Variants in AGAP1 observed in about 807,000 individuals in gnomAD.
AGAP1 encodes arf-GAP with GTPase, ANK repeat and PH domain-containing protein 1.
A neutral mutation model predicts 105.3 loss-of-function variants in AGAP1; 29 were observed. The ratio of observed to expected loss-of-function variants is 0.28; its 90% CI spans 0.21 to 0.38. AGAP1 has a LOEUF of 0.38. Among genes scored for constraint, AGAP1 ranks in the 10% least tolerant of loss-of-function variants. The pLI, the probability that AGAP1 is intolerant of heterozygous loss-of-function variation, is 1.00. For missense variants in AGAP1, 998 were observed against 1,165.1 expected (o/e 0.86, Z 2.09); for synonymous variants, 509 against 485.9 (o/e 1.05, Z -0.63).
chr2:236,122,223 T>A (rs1176803767), intron 17 of AGAP1, among the ~76,000 whole-genome samples: 4 of 152,174 alleles, frequency 2.6e-5, no homozygotes, highest in Non-Finnish European at 5.9e-5. Flanking sequence ...GGTGTTGAGA[T>A]TACAGGTATC....
chr2:235,993,565 G>C lies in AGAP1; in HGVS notation c.1645+24942G>C, dbSNP rs1408117785. ...ATGGTTTTGTGTGATAGAAACCAAT[G>C]CTTCCCAAAGTTCACATTGTGGAAA... On this transcript the variant is annotated intron_variant, in intron 13 of 17. Transcript: ENST00000304032. The surrounding 1 kb of genome is among the most constrained non-coding windows in gnomAD (Gnocchi z 5.0). 6.6e-6 allele frequency among the ~76,000 whole-genome samples: 1 copy of C among 152,212 alleles called. No homozygotes were observed. Among genetic ancestry groups the C allele is most frequent in the Non-Finnish European group, 1.5e-5 (1 of 68,042 alleles).
At position 235,664,942 on chromosome 2, in the gene AGAP1, C is replaced by G. The variant is rs1007599220; in HGVS notation, c.164-44237C>G. On this transcript the variant is annotated intron_variant, in intron 1 of 17. Coordinates refer to ENST00000304032, the MANE Select transcript of AGAP1 (RefSeq NM_001037131.3). The surrounding 1 kb of genome is among the most constrained non-coding windows in gnomAD (Gnocchi z 5.7). ...TACCATAAATGAAAAAAACGTTAGC[C>G]AAGCATGGTGGCTCACGCCTGTAAT... 2.0e-5 allele frequency among the ~76,000 whole-genome samples: 3 copies of G among 152,130 alleles called. No homozygotes were observed. The highest frequency in any genetic ancestry group is 4.8e-5 in the African/African-American group (2 of 41,414).
rs1367617578 is a variant in AGAP1, at chr2:235,981,796, G to A, written c.1645+13173G>A. Among the ~76,000 whole-genome samples, 4 of 152,140 alleles carry A rather than the reference G, an allele frequency of 2.6e-5. No homozygotes were observed. Among genetic ancestry groups the A allele is most frequent in the South Asian group, 4.2e-4 (2 of 4,818 alleles). ...CAAGGCCATAGACGTAGAAAGCAGC[G>A]ATAGGGCCACCGATCCAGGCGAGGG... On this transcript the variant is annotated intron_variant, in intron 13 of 17. Transcript: ENST00000304032. The surrounding 1 kb of genome is among the most constrained non-coding windows in gnomAD (Gnocchi z 5.5).
At position 235,750,426 on chromosome 2, in the gene AGAP1, G is replaced by A. The variant is rs1416455817; in HGVS notation, c.611G>A (p.Arg204Gln). 6.2e-7 allele frequency: 1 copy of A among 1,614,180 alleles called. No homozygotes were observed. The highest frequency in any genetic ancestry group is 1.1e-5 in the South Asian group (1 of 91,082). Residue 204 changes from arginine (R) to glutamine (Q), a missense_variant, in exon 6 of 18, where the codon CGG becomes CAG. This residue lies in a region of AGAP1 where 735 missense variants were observed against 833.4 expected (regional missense o/e 0.88). Transcript: ENST00000304032. The surrounding 1 kb of genome is among the most constrained non-coding windows in gnomAD (Gnocchi z 5.3). ...RARKLSNDLK[R>Q]CTYYETCATY... ...AGGAAGCTCTCCAACGACCTGAAAC[G>A]GTGCACGTACTACGAGACGTGTGCT...
rs929053573 is a variant in AGAP1, at chr2:235,582,332, G to A, written c.163+87483G>A. Among the ~76,000 whole-genome samples, 1 of 152,162 alleles carries A rather than the reference G, an allele frequency of 6.6e-6. No homozygotes were observed. The highest frequency in any genetic ancestry group is 1.5e-5 in the Non-Finnish European group (1 of 68,028). ...GTGGCTCTTTGTGCTGGCATTTAGG[G>A]TGTCACTAAAGCCCAAGACCAGGAT... On this transcript the variant is annotated intron_variant, in intron 1 of 17. Transcript: ENST00000304032. This position sits in a 1 kb window ranked among gnomAD's most constrained non-coding sequence, Gnocchi z 4.7.
At chr2:235,606,436 A>G (rs1945940789) in intron 1 of AGAP1, among the ~76,000 whole-genome samples, 1 of 152,224 alleles carries the variant, frequency 6.6e-6, no homozygotes, top group African/African-American at 2.4e-5. Flanking sequence ...CTCGATTCAG[A>G]GACCAAGAAC....
At position 235,951,950 on chromosome 2, in the gene AGAP1, C is replaced by T. The variant is rs2053755670; in HGVS notation, c.1484-16512C>T. Reference sequence around the variant, plus strand: ...TCATTTACCATCTGGTTTGGGGAACCTTCTGTCATCCTACCTGCTATGTAT... The same window carrying T: ...TCATTTACCATCTGGTTTGGGGAACTTTCTGTCATCCTACCTGCTATGTAT... On this transcript the variant is annotated intron_variant, in intron 12 of 17. Transcript: ENST00000304032. This position sits in a 1 kb window ranked among gnomAD's most constrained non-coding sequence, Gnocchi z 4.2. 6.6e-6 allele frequency among the ~76,000 whole-genome samples: 1 copy of T among 152,182 alleles called. No individual in the cohort carries two copies. The highest frequency in any genetic ancestry group is 2.1e-4 in the South Asian group (1 of 4,818).
Position 235,908,859 on chromosome 2 carries a change from A to G in AGAP1, c.1277A>G (p.Asn426Ser), listed in dbSNP as rs2051435482. The G allele has an allele frequency of 6.2e-7, 1 of 1,613,982 alleles. No individual in the cohort carries two copies. The highest frequency in any genetic ancestry group is 1.3e-5 in the African/African-American group (1 of 74,890). The change falls in exon 11 of 18, where the codon AAT becomes AGT. Residue 426 changes from asparagine (N) to serine (S), a missense_variant. By Grantham distance (46) the Asn-to-Ser change is conservative. Transcript: ENST00000304032. The surrounding 1 kb of genome is among the most constrained non-coding windows in gnomAD (Gnocchi z 4.4). The part of the protein sequence containing the change: ...ACAPISSPKT[N>S]GLSKDMSSLH... The stretch of plus-strand genomic sequence containing the variant: ...GCACCCATCTCCAGCCCTAAAACCA[A>G]TGGCCTATCCAAGGACATGAGCAGT...
chr2:235,498,678 G>A (rs564195992), intron 1 of AGAP1, among the ~76,000 whole-genome samples: 8 of 152,320 alleles, frequency 5.3e-5, no homozygotes, highest in South Asian at 2.1e-4. Flanking sequence ...CAGCAGGACC[G>A]TGATGTGAGT....
rs765633519 is a variant in AGAP1 at position 236,124,020 on chromosome 2, C to T, written c.2472C>T (p.Tyr824=). 3.0e-5 allele frequency: 48 copies of T among 1,613,946 alleles called. No individual in the cohort carries two copies. The highest frequency in any genetic ancestry group is 2.6e-5 in the Non-Finnish European group (31 of 1,180,020). ...AGTGCATCGACGTGCTGCTGCAGTA[C>T]GGCTGCCCCGACGAGCGCTTCGTGC... ...SQECIDVLLQ[Y]GCPDERFVLM... Residue 824 remains tyrosine, a synonymous_variant, in exon 18 of 18, where the codon TAC becomes TAT. Coordinates refer to ENST00000304032, the MANE Select transcript of AGAP1 (RefSeq NM_001037131.3). This position sits in a 1 kb window ranked among gnomAD's most constrained non-coding sequence, Gnocchi z 5.1.
chr2:235,554,760 C>G (rs891157376), intron 1 of AGAP1, among the ~76,000 whole-genome samples: 4 of 152,142 alleles, frequency 2.6e-5, no homozygotes, highest in Admixed American at 2.6e-4. Flanking sequence ...CTCACTGCCT[C>G]CCAGGTTCAA....
chr2:235,759,936 A>G (rs1245312025), intron 6 of AGAP1, among the ~76,000 whole-genome samples: 1 of 152,220 alleles, frequency 6.6e-6, no homozygotes, highest in Non-Finnish European at 1.5e-5. Context: ...AATGAAAAAT[A>G]CTTTTGAGTT....
At chr2:235,730,572 C>A (rs2149606605) in intron 3 of AGAP1, among the ~76,000 whole-genome samples, 1 of 151,262 alleles carries the variant, frequency 6.6e-6, no homozygotes, top group East Asian at 1.9e-4. Flanking sequence ...CCTTGAACTC[C>A]TGGGTTCAAG....
intron 1 of AGAP1, among the ~76,000 whole-genome samples, chr2:235,708,341 A>G (rs901341027): frequency 9.2e-5 from 14 of 152,180 alleles, no homozygotes; most frequent in Non-Finnish European, 2.9e-5. Context: ...GATGACTACT[A>G]TCATGGGGTC....
intron 1 of AGAP1, among the ~76,000 whole-genome samples, chr2:235,531,719 C>T (rs1227922036): frequency 7.2e-5 from 11 of 151,748 alleles, no homozygotes; most frequent in Admixed American, 5.9e-4. Context: ...GCAATTCTCC[C>T]GTCTCAGCCT....
rs972095264 is a variant in AGAP1, at chr2:235,936,289, G to C, written c.1483+5366G>C. ...CATGTCCATCTTCCACATGGAAGGA[G>C]TGTATCACATGTGTGTGTGTACGGG... On this transcript the variant is annotated intron_variant, in intron 12 of 17. Transcript: ENST00000304032. This position sits in a 1 kb window ranked among gnomAD's most constrained non-coding sequence, Gnocchi z 4.7. 6.6e-6 allele frequency among the ~76,000 whole-genome samples: 1 copy of C among 152,182 alleles called. No individual in the cohort carries two copies. The highest frequency in any genetic ancestry group is 2.4e-5 in the African/African-American group (1 of 41,446).
chr2:235,647,790 T>G (rs1285503206), intron 1 of AGAP1, among the ~76,000 whole-genome samples: 1 of 152,120 alleles, frequency 6.6e-6, no homozygotes. Flanking sequence ...TCATCCTGAT[T>G]TTACTGTCCA....
intron 1 of AGAP1, among the ~76,000 whole-genome samples, chr2:235,661,107 G>C (rs1947933250): frequency 6.6e-6 from 1 of 152,160 alleles, no homozygotes; most frequent in Non-Finnish European, 1.5e-5. Flanking sequence ...TACGTCTGGG[G>C]GTGGGTCAGC....
rs1334996115 is a variant in AGAP1 at position 235,958,416 on chromosome 2, C to T, written c.1484-10046C>T. ...TCAAGTGCACCTACGCCCAGCACCT[C>T]CCCCAGCGGACACATTTAGAGACCC... On this transcript the variant is annotated intron_variant, in intron 12 of 17. Transcript: ENST00000304032. The surrounding 1 kb of genome is among the most constrained non-coding windows in gnomAD (Gnocchi z 4.1). Among the ~76,000 whole-genome samples the T allele has an allele frequency of 6.6e-6, 1 of 152,090 alleles. No homozygotes were observed. The highest frequency in any genetic ancestry group is 6.5e-5 in the Admixed American group (1 of 15,272).
Sources: gnomAD v4.1 joint callset for allele counts (sites outside exome capture counted in the v4.1 genomes callset) on GRCh38, gnomAD v4.1.1 for gene constraint, gnomAD v4.1.1 regional missense constraint, Gnocchi (gnomAD v3.1) non-coding constraint, MANE v1.5 for transcripts, NCBI Gene and HGNC (gene_info 2026-07-23, HGNC 2026-07-21) for gene names.